The following MIR2052HG variants were observed in gnomAD, a reference collection of about 807,000 sequenced individuals.
MIR2052HG encodes the protein MIR2052 host gene.
chr8:74,676,412 A>G (rs571226034), intron 2 of MIR2052HG, among the ~76,000 whole-genome samples: 1 of 151,976 alleles, frequency 6.6e-6, no homozygotes, highest in East Asian at 1.9e-4. Context: ...CAGGAGGAAA[A>G]TTGCAATATT....
intron 4 of MIR2052HG, among the ~76,000 whole-genome samples, chr8:74,747,224 T>C (rs1290951079): frequency 6.6e-6 from 1 of 152,198 alleles, no homozygotes; most frequent in Non-Finnish European, 1.5e-5. Flanking sequence ...ACTTGAACTA[T>C]GTCTTAGGCT....
intron 2 of MIR2052HG, among the ~76,000 whole-genome samples, chr8:74,685,793 A>G (rs1027104230): frequency 2.0e-5 from 3 of 152,116 alleles, no homozygotes; most frequent in African/African-American, 7.2e-5. Context: ...AAAGTCAAAC[A>G]AACTTTGTAA....
chr8:74,632,938 C>A (rs763717501), intron 2 of MIR2052HG, among the ~76,000 whole-genome samples: 3 of 152,200 alleles, frequency 2.0e-5, no homozygotes, highest in Non-Finnish European at 2.9e-5. Flanking sequence ...CCACTCCTCA[C>A]TAGTCTGGTT....
At chr8:74,599,967 T>G in intron 1 of MIR2052HG, 1 of 158,280 alleles carries the variant, frequency 6.3e-6, no homozygotes, top group Non-Finnish European at 1.4e-5. Context: ...AGCGCAGTAT[T>G]CGGGTGGGAG....
At chr8:74,705,277 C>T (rs75254571) in intron 4 of MIR2052HG, among the ~76,000 whole-genome samples, 2,134 of 152,140 alleles carry the variant, frequency 0.014, 37 homozygotes, top group African/African-American at 0.049. Flanking sequence ...AGTTAAAATA[C>T]TTTGCAGACA....
intron 4 of MIR2052HG, among the ~76,000 whole-genome samples, chr8:74,719,520 G>A (rs933391026): frequency 6.6e-6 from 1 of 152,156 alleles, no homozygotes; most frequent in African/African-American, 2.4e-5. Flanking sequence ...CCGACTTCTA[G>A]ACTTTTCCTT....
chr8:74,626,576 G>A (rs74995635), intron 2 of MIR2052HG, among the ~76,000 whole-genome samples: 11,801 of 152,186 alleles, frequency 0.078, 640 homozygotes, highest in African/African-American at 0.14. Flanking sequence ...ATTCCAGGAC[G>A]TAAGATTGAA....
At chr8:74,734,422 C>T (rs1809726363) in intron 4 of MIR2052HG, among the ~76,000 whole-genome samples, 1 of 152,164 alleles carries the variant, frequency 6.6e-6, no homozygotes, top group Non-Finnish European at 1.5e-5. Context: ...GTATAAAACA[C>T]ACTGTGAGGA....
intron 2 of MIR2052HG, among the ~76,000 whole-genome samples, chr8:74,644,728 A>C (rs541369844): frequency 6.6e-6 from 1 of 151,808 alleles, no homozygotes; most frequent in Non-Finnish European, 1.5e-5. Context: ...CTGTCTCTAC[A>C]ATAAATAAAT....
chr8:74,667,583 G>T (rs1472314719), intron 2 of MIR2052HG, among the ~76,000 whole-genome samples: 2 of 151,952 alleles, frequency 1.3e-5, no homozygotes, highest in East Asian at 1.9e-4. Flanking sequence ...ACATGCTACT[G>T]CAGAAACCCA....
chr8:74,716,235 G>A (rs891678093), intron 4 of MIR2052HG, among the ~76,000 whole-genome samples: 1 of 152,136 alleles, frequency 6.6e-6, no homozygotes, highest in Non-Finnish European at 1.5e-5. Context: ...AATCTCTAAC[G>A]TAGGGAGAAA....
At chr8:74,680,050 C>T (rs558669974) in intron 2 of MIR2052HG, among the ~76,000 whole-genome samples, 1 of 152,206 alleles carries the variant, frequency 6.6e-6, no homozygotes, top group South Asian at 2.1e-4. Context: ...ACTTGGAAAA[C>T]CCAAATGAAT....
At chr8:74,681,735 A>G (rs1230940798) in intron 2 of MIR2052HG, among the ~76,000 whole-genome samples, 1 of 152,062 alleles carries the variant, frequency 6.6e-6, no homozygotes, top group Non-Finnish European at 1.5e-5. Flanking sequence ...CCATGGGATA[A>G]CTCATCATGT....
Position 74,745,752 on chromosome 8 carries a change from T to C in MIR2052HG, n.372-6689T>C, listed in dbSNP as rs1809878695. Among the ~76,000 whole-genome samples the C allele has an allele frequency of 2.0e-5, 3 of 152,192 alleles. No individual in the cohort carries two copies. The South Asian group carries it at 6.2e-4, about 32-fold the overall frequency. On this transcript the variant is annotated intron_variant and non_coding_transcript_variant, in intron 4 of 6. Transcript: ENST00000523442. The stretch of plus-strand genomic sequence containing the variant: ...CATTTCCTCATATGGGAAACCGTCA[T>C]CAATTTCTTGAAAAGAGCCTTGCAG...
chr8:74,709,979 A>G (rs1809450193), intron 4 of MIR2052HG, among the ~76,000 whole-genome samples: 1 of 152,218 alleles, frequency 6.6e-6, no homozygotes, highest in Non-Finnish European at 1.5e-5. Context: ...CTAGTTTAAC[A>G]GTTATCAGAA....
At chr8:74,743,751 C>G (rs1244269026) in intron 4 of MIR2052HG, among the ~76,000 whole-genome samples, 1 of 152,166 alleles carries the variant, frequency 6.6e-6, no homozygotes, top group Non-Finnish European at 1.5e-5. Context: ...ACCTTACAAC[C>G]CAGTCCCACA....
chr8:74,716,234 C>T (rs540106392), intron 4 of MIR2052HG, among the ~76,000 whole-genome samples: 2 of 152,104 alleles, frequency 1.3e-5, no homozygotes, highest in African/African-American at 2.4e-5. Context: ...AAATCTCTAA[C>T]GTAGGGAGAA....
intron 2 of MIR2052HG, among the ~76,000 whole-genome samples, chr8:74,618,420 C>T (rs182336903): frequency 6.6e-6 from 1 of 152,276 alleles, no homozygotes. Context: ...ACATAGTCAG[C>T]ACTCTGTAAA....
Position 74,732,392 on chromosome 8 carries a change from T to C in MIR2052HG, n.372-20049T>C, listed in dbSNP as rs1234330899. On this transcript the variant is annotated intron_variant and non_coding_transcript_variant, in intron 4 of 6. Transcript: ENST00000523442. ...GGATACCAAGGTACAACTATATTTA[T>C]CTAGGGTTGGTCATGGTAGATATTA... Among the ~76,000 whole-genome samples the C allele has an allele frequency of 3.9e-5, 6 of 152,142 alleles. No individual in the cohort carries two copies. In the East Asian group the frequency reaches 1.2e-3, roughly 29 times the overall value.
Sources: allele counts gnomAD v4.1 joint callset (sites outside exome capture counted in the v4.1 genomes callset), GRCh38; gene constraint gnomAD v4.1.1; transcripts MANE v1.5; gene names NCBI Gene and HGNC (gene_info 2026-07-23, HGNC 2026-07-21).